The following SYNE2 variants were observed in gnomAD, a reference collection of about 807,000 sequenced individuals.
The protein encoded by SYNE2 is nesprin-2.
Under a neutral mutation model 856.3 loss-of-function variants are expected in SYNE2, and 431 were observed. The observed-to-expected ratio is 0.50, with a 90% CI of 0.47 to 0.55. The LOEUF is 0.55. Ranked by LOEUF, SYNE2 falls within the 20% of genes least tolerant of loss-of-function variation. SYNE2 has a pLI of 0.00. For synonymous variants in SYNE2, 2,923 were observed against 2,872.3 expected, an observed-to-expected ratio of 1.02 and a Z score of -0.56; for missense variants, 8,129 against 8,023.2, an observed-to-expected ratio of 1.01 and a Z score of -0.50.
intron 84 of SYNE2, among the ~76,000 whole-genome samples, chr14:64,151,750 A>G (rs192995137): frequency 1.3e-5 from 2 of 152,348 alleles, no homozygotes; most frequent in African/African-American, 4.8e-5. Context: ...GGGGAATTCA[A>G]AATGAATCCC....
intron 1 of SYNE2, among the ~76,000 whole-genome samples, chr14:63,823,038 AG>A (rs1292957285): frequency 2.0e-5 from 3 of 152,078 alleles, no homozygotes; most frequent in African/African-American, 7.2e-5. Context: ...TAGGAGTTCG[AG>A]GTTGCAGTGA....
chr14:64,060,398 G>A (rs1471495400), intron 49 of SYNE2, among the ~76,000 whole-genome samples: 1 of 151,200 alleles, frequency 6.6e-6, no homozygotes, highest in Non-Finnish European at 1.5e-5. Context: ...TCCCTTCGAG[G>A]AAGTGGGTTC....
At chr14:64,103,661 C>T (rs771071742) in intron 64 of SYNE2, among the ~76,000 whole-genome samples, 35 of 152,162 alleles carry the variant, frequency 2.3e-4, no homozygotes, top group South Asian at 1.4e-3. Flanking sequence ...CAGTCTCTGC[C>T]TCTGGCTAGG....
chr14:63,944,438 G>A (rs893497519), intron 6 of SYNE2, among the ~76,000 whole-genome samples: 1 of 150,800 alleles, frequency 6.6e-6, no homozygotes, highest in African/African-American at 2.4e-5. Context: ...AAACCTTTGC[G>A]ATACAATCTT....
In SYNE2 at chr14:64,070,986, G is replaced by A. The variant is rs2097401766; in HGVS notation, c.10697+76G>A. On this transcript the variant is annotated intron_variant, in intron 52 of 115. Transcript: ENST00000555002. ...AAAATTTAGAAAATCTAAAAGTATAGAATAATGGCAAATGATACAATAGAA... is the reference window on the plus strand; with the variant it reads ...AAAATTTAGAAAATCTAAAAGTATAAAATAATGGCAAATGATACAATAGAA... 2.0e-6 allele frequency: 3 copies of A among 1,473,216 alleles called. No individual in the cohort carries two copies. The South Asian group carries it at 3.5e-5, about 17-fold the overall frequency. 91.3% of individuals were successfully genotyped at this position (1,473,216 alleles called of 1,614,324 possible).
intron 65 of SYNE2, among the ~76,000 whole-genome samples, chr14:64,108,767 A>G (rs935428232): frequency 6.6e-6 from 1 of 151,782 alleles, no homozygotes; most frequent in Non-Finnish European, 1.5e-5. Flanking sequence ...TCTCTTAACA[A>G]TATATGTCTA....
chr14:64,011,589 G>A (rs2096845768), intron 32 of SYNE2, among the ~76,000 whole-genome samples: 1 of 152,084 alleles, frequency 6.6e-6, no homozygotes, highest in South Asian at 2.1e-4. Context: ...AACAGACCTT[G>A]AGACCCTTCC....
intron 84 of SYNE2, among the ~76,000 whole-genome samples, chr14:64,147,986 G>T (rs1482300155): frequency 6.6e-6 from 1 of 152,124 alleles, no homozygotes; most frequent in Non-Finnish European, 1.5e-5. Context: ...TTACTAGTGA[G>T]AACCCATTTC....
chr14:64,126,254 A>C (rs2097944030), intron 71 of SYNE2, 73 bp from the exon 72 acceptor site: 1 of 1,385,646 alleles, frequency 7.2e-7, no homozygotes, highest in East Asian at 2.3e-5. Context: ...ACTATAATGG[A>C]AACTAGGCAA....
chr14:63,771,875 C>T (rs1210475727), intron 1 of SYNE2, among the ~76,000 whole-genome samples: 2 of 147,850 alleles, frequency 1.4e-5, no homozygotes, highest in African/African-American at 2.7e-5. Context: ...TCAGCCTGGG[C>T]GATAGAGTGA....
chr14:63,955,698 A>G (rs558300862), intron 8 of SYNE2, among the ~76,000 whole-genome samples: 33 of 152,302 alleles, frequency 2.2e-4, no homozygotes, highest in African/African-American at 7.2e-4. Context: ...ATGTACACAC[A>G]TTTACACTAT....
chr14:64,195,856 G>A (rs1196266218), intron 99 of SYNE2, among the ~76,000 whole-genome samples: 3 of 152,180 alleles, frequency 2.0e-5, no homozygotes, highest in Non-Finnish European at 2.9e-5. Flanking sequence ...AGGATTTAGG[G>A]ATTATTTTAG....
intron 23 of SYNE2, among the ~76,000 whole-genome samples, chr14:63,995,977 A>G (rs1176383569): frequency 6.6e-6 from 1 of 152,176 alleles, no homozygotes; most frequent in Non-Finnish European, 1.5e-5. Flanking sequence ...CCTTCTCTGC[A>G]ATGATAGTGC....
chr14:64,055,224 T>A (rs531653900), intron 48 of SYNE2, among the ~76,000 whole-genome samples: 1 of 152,330 alleles, frequency 6.6e-6, no homozygotes, highest in Non-Finnish European at 1.5e-5. Context: ...TGATTAAGGT[T>A]ATATACATTA....
intron 45 of SYNE2, among the ~76,000 whole-genome samples, chr14:64,044,493 G>T (rs1371355629): frequency 6.6e-6 from 1 of 151,596 alleles, no homozygotes; most frequent in East Asian, 1.9e-4. Context: ...TATTTTGGGG[G>T]ACTGTTGGGA....
chr14:64,166,184 G>C (rs954865900), intron 90 of SYNE2, among the ~76,000 whole-genome samples: 1 of 152,090 alleles, frequency 6.6e-6, no homozygotes, highest in African/African-American at 2.4e-5. Flanking sequence ...GTCCATCACT[G>C]ATTTTTTTTT....
intron 1 of SYNE2, among the ~76,000 whole-genome samples, chr14:63,887,613 C>G (rs922325413): frequency 1.3e-5 from 2 of 152,174 alleles, no homozygotes; most frequent in South Asian, 2.1e-4. Flanking sequence ...AGCTTAGTAA[C>G]TGAACTGGAA....
chr14:64,086,571 G>T lies in SYNE2; in HGVS notation c.11485-1100G>T, dbSNP rs2097562945. 2.0e-5 allele frequency among the ~76,000 whole-genome samples: 3 copies of T among 152,046 alleles called. No individual in the cohort carries two copies. The South Asian group carries it at 6.2e-4, about 32-fold the overall frequency. ...TTTTGAGTGGGATTGCATTAGATTT[G>T]TAGATCAATTTGGAAGAGAATTAAC... On this transcript the variant is annotated intron_variant, in intron 57 of 115. Coordinates refer to ENST00000555002, the MANE Select transcript of SYNE2 (RefSeq NM_182914.3).
chr14:64,033,626 T>C (rs1168495125), intron 45 of SYNE2, among the ~76,000 whole-genome samples: 1 of 151,850 alleles, frequency 6.6e-6, no homozygotes, highest in African/African-American at 2.4e-5. Context: ...GTCGAGACTG[T>C]AGTGAGCCGA....
Sources: allele counts gnomAD v4.1 joint callset (sites outside exome capture counted in the v4.1 genomes callset), GRCh38; gene constraint gnomAD v4.1.1; transcripts MANE v1.5; gene names NCBI Gene and HGNC (gene_info 2026-07-23, HGNC 2026-07-21).